Variants in KRI1 observed in about 807,000 individuals in gnomAD.
KRI1 encodes the protein KRI1 homolog.
A neutral mutation model predicts 97.0 loss-of-function variants in KRI1; 83 were observed. That is an observed-to-expected ratio of 0.86 (90% CI 0.72 to 1.03). The LOEUF is 1.03. Ranked by LOEUF, KRI1 falls within the 50% of genes least tolerant of loss-of-function variation. The pLI is 0.00. For synonymous variants in KRI1, 371 were observed against 363.5 expected (o/e 1.02, Z -0.23); for missense variants, 916 against 928.4 (o/e 0.99, Z 0.17).
Position 10,555,149 on chromosome 19 carries a change from G to A in KRI1, c.1719C>T (p.Tyr573=). Residue 573 remains tyrosine (Y), a synonymous_variant, in exon 18 of 19, where the codon TAC becomes TAT. Transcript: ENST00000312962. ...EQEELRDKRA[Y]SQKAQNSWKK... The stretch of plus-strand genomic sequence containing the variant: ...TCCATGAGTTCTGGGCCTTCTGGCT[G>A]TACGCCCGCTTGTCCCGCAGCTCCT... The A allele has an allele frequency of 6.2e-7, 1 of 1,612,718 alleles. No individual in the cohort carries two copies. Among genetic ancestry groups the A allele is most frequent in the East Asian group, 2.2e-5 (1 of 44,772 alleles).
Position 10,561,203 on chromosome 19 carries a change from A to C in KRI1, c.551T>G (p.Leu184Trp). ...EDGAGEGGSS[L>W]LQKRAKTRQE... ...CCTGGTTTTGGCACGTTTCTGCAGC[A>C]AACTGGAGCCGCCCTCCCCAGCGCC... Residue 184 changes from leucine (L) to tryptophan (W), a missense_variant, in exon 7 of 19, where the codon TTG (leucine) becomes TGG (tryptophan). Leu to Trp is a moderately conservative substitution (Grantham distance 61, BLOSUM62 -2). Transcript: ENST00000312962. The C allele has an allele frequency of 6.2e-7, 1 of 1,614,062 alleles. No individual in the cohort carries two copies. The highest frequency in any genetic ancestry group is 8.5e-7 in the Non-Finnish European group (1 of 1,180,014).
rs1186204969 is a variant in KRI1 at position 10,565,889 on chromosome 19, A to T, written c.94+17T>A. On this transcript the variant is annotated intron_variant, in intron 1 of 18. Transcript: ENST00000312962. ...CCGGCGCGCGCAGGCTCCCGCGCGCATGCGCCCCGCACTCACGCCGCTGCA... is the reference window on the plus strand; with the variant it reads ...CCGGCGCGCGCAGGCTCCCGCGCGCTTGCGCCCCGCACTCACGCCGCTGCA... 6.5e-7 allele frequency: 1 copy of T among 1,532,324 alleles called. No homozygotes were observed. Among genetic ancestry groups the T allele is most frequent in the South Asian group, 1.2e-5 (1 of 82,636 alleles). 94.9% of individuals were successfully genotyped at this position (1,532,324 alleles called of 1,614,324 possible).
In KRI1 at chr19:10,561,890, C is replaced by T. The variant is rs550835406; in HGVS notation, c.384-45G>A. On this transcript the variant is annotated intron_variant, in intron 4 of 18. Coordinates refer to ENST00000312962, the MANE Select transcript of KRI1 (RefSeq NM_023008.5). ...TCTTCAGAATATATCTTCCAGGGCC[C>T]GCCTGTCCCCATGCCCATGCGGAGC... 1.5e-5 allele frequency: 24 copies of T among 1,578,530 alleles called. No individual in the cohort carries two copies. The Admixed American group carries it at 3.2e-4, about 21-fold the overall frequency.
chr19:10,565,133 G>T, intron 2 of KRI1, 99 bp from the exon 3 acceptor site: 2 of 800,478 alleles, frequency 2.5e-6, no homozygotes, highest in Non-Finnish European at 4.3e-6. Context: ...GATGGAGGGG[G>T]GTGGATCTGG....
At chr19:10,557,926 G>GCC in intron 14 of KRI1, 31 bp from the exon 15 acceptor site, 1 of 1,613,674 alleles carries the variant, frequency 6.2e-7, no homozygotes, top group Non-Finnish European at 8.5e-7. Flanking sequence ...GATCCCACCA[G>GCC]CCCCCCGTCA....
intron 9 of KRI1, 152 bp from the exon 10 acceptor site, chr19:10,560,088 G>A: frequency 1.6e-6 from 2 of 1,233,192 alleles, no homozygotes; most frequent in Non-Finnish European, 2.2e-6. Flanking sequence ...TTTACAGATG[G>A]GGAAACTGAG....
In KRI1 at chr19:10,557,882, T is replaced by C; in HGVS notation, c.1373A>G (p.Tyr458Cys). 3 of 1,613,532 alleles carry C rather than the reference T, an allele frequency of 1.9e-6. No individual in the cohort carries two copies. Among genetic ancestry groups the C allele is most frequent in the Non-Finnish European group, 2.5e-6 (3 of 1,179,868 alleles). Residue 458 changes from tyrosine to cysteine, a missense_variant, in exon 15 of 19, where the codon TAC (tyrosine) becomes TGC (cysteine). Physicochemically the swap from Tyr to Cys is radical, Grantham distance 194 (BLOSUM62 -2). Around this residue, in one of 3 missense-constraint regions of KRI1, gnomAD observed 672 missense variants for 667.2 expected, o/e 1.01. Coordinates refer to ENST00000312962, the MANE Select transcript of KRI1 (RefSeq NM_023008.5). ...EDPNFNMDADYDPSQPRKKKR... is the reference protein window; with the variant it reads ...EDPNFNMDADCDPSQPRKKKR... ...TTTCTTCCTCGGCTGGCTGGGGTCG[T>C]AGTCGGCGTCCATCTGCCAGGACGC...
chr19:10,564,420 A>G (rs1255256684), intron 3 of KRI1, among the ~76,000 whole-genome samples: 1 of 151,942 alleles, frequency 6.6e-6, no homozygotes, highest in African/African-American at 2.4e-5. Flanking sequence ...AGATCGTCCC[A>G]TTGCAACCCA....
Position 10,559,715 on chromosome 19 carries a change from G to A in KRI1, c.928-7C>T, listed in dbSNP as rs779734416. ...TGCGTGGGTAGGTCTTGACCTAGGC[G>A]CAATCAGAAAAGCCCACAAGGGCCG... On this transcript the variant is annotated splice_region_variant and splice_polypyrimidine_tract_variant and intron_variant, in intron 10 of 18. Transcript: ENST00000312962. 13 of 1,613,896 alleles carry A rather than the reference G, an allele frequency of 8.1e-6. No individual in the cohort carries two copies. Among genetic ancestry groups the A allele is most frequent in the Middle Eastern group, 1.6e-4 (1 of 6,084 alleles).
At chr19:10,560,880 G>A (rs1432460718) in intron 8 of KRI1, 123 bp downstream of exon 8, 1 of 738,076 alleles carries the variant, frequency 1.4e-6, no homozygotes, top group Non-Finnish European at 2.3e-6. Context: ...CATTTAAAGA[G>A]ATGTAGGAGC....
chr19:10,565,122 G>C (rs1403205340), intron 2 of KRI1, 88 bp from the exon 3 acceptor site: 2 of 848,104 alleles, frequency 2.4e-6, no homozygotes, highest in Non-Finnish European at 4.0e-6. Flanking sequence ...GTAGGGATTA[G>C]GATGGAGGGG....
chr19:10,560,181 G>A (rs1010483174), intron 9 of KRI1, 131 bp downstream of exon 9: 5 of 1,413,726 alleles, frequency 3.5e-6, no homozygotes, highest in Non-Finnish European at 3.7e-6. Flanking sequence ...CTGCCTTACA[G>A]AAGACTAACT....
chr19:10,559,306 G>C, intron 12 of KRI1, 53 bp downstream of exon 12: 1 of 1,582,698 alleles, frequency 6.3e-7, no homozygotes, highest in Admixed American at 1.7e-5. Context: ...TGGCCAGTGA[G>C]AGCCATGTTT....
rs754114213 is a variant in KRI1, at chr19:10,560,416, C to T, written c.696G>A (p.Glu232=). 6.2e-7 allele frequency: 1 copy of T among 1,613,850 alleles called. No individual in the cohort carries two copies. Among genetic ancestry groups the T allele is most frequent in the Non-Finnish European group, 8.5e-7 (1 of 1,179,842 alleles). ...THLKEYWNDP[E]LDEGERFLRD... ...GCAGGAACCGCTCCCCTTCATCCAA[C>T]TCAGGGTCGTTCCAGTATTCCTTGA... Residue 232 remains glutamate, a synonymous_variant, in exon 9 of 19, where the codon GAG becomes GAA. Coordinates refer to ENST00000312962, the MANE Select transcript of KRI1 (RefSeq NM_023008.5).
At chr19:10,554,666 C>T (rs1413354093) in intron 18 of KRI1, among the ~76,000 whole-genome samples, 1 of 152,160 alleles carries the variant, frequency 6.6e-6, no homozygotes, top group Non-Finnish European at 1.5e-5. Flanking sequence ...TCGCTTGAGT[C>T]TCCCAAAGTG....
At chr19:10,558,923 T>C (rs371353356) in intron 12 of KRI1, among the ~76,000 whole-genome samples, 2 of 151,928 alleles carry the variant, frequency 1.3e-5, no homozygotes, top group South Asian at 4.1e-4. Flanking sequence ...GCCAGGATGG[T>C]CTCAATCTCC....
At position 10,554,056 on chromosome 19, in the gene KRI1, G is replaced by T. The variant is rs1916409569; in HGVS notation, c.2007C>A (p.Phe669Leu). 6.2e-7 allele frequency: 1 copy of T among 1,614,094 alleles called. No homozygotes were observed. Among genetic ancestry groups the T allele is most frequent in the Admixed American group, 1.7e-5 (1 of 60,004 alleles). ...CAAAGGCCTGCAGTCTCTGGCGGCT[G>T]AACTCGCATCCACCAAGCATCACAG... is the stretch of plus-strand genomic sequence containing the variant. ...GPTVMLGGCEFSRQRLQAFGL... is the reference protein window; with the variant it reads ...GPTVMLGGCELSRQRLQAFGL... The change falls in exon 19 of 19, where the codon TTC becomes TTA. Residue 669 changes from phenylalanine (F) to leucine (L), a missense_variant. Physicochemically the swap from Phe to Leu is conservative, Grantham distance 22. Coordinates refer to ENST00000312962, the MANE Select transcript of KRI1 (RefSeq NM_023008.5).
intron 6 of KRI1, 59 bp downstream of exon 6, chr19:10,561,608 A>G (rs1916700338): frequency 1.9e-6 from 3 of 1,543,414 alleles, no homozygotes; most frequent in Non-Finnish European, 9.0e-7. Context: ...ACCCGTGCCT[A>G]TCCAACCCCC....
intron 16 of KRI1, 24 bp downstream of exon 16, chr19:10,557,528 T>A (rs934484845): frequency 6.2e-7 from 1 of 1,609,354 alleles, no homozygotes; most frequent in African/African-American, 1.3e-5. Flanking sequence ...CCCTGCAGTG[T>A]CCCTGCCTGC....
Sources: gnomAD v4.1 joint callset for allele counts (sites outside exome capture counted in the v4.1 genomes callset) on GRCh38, gnomAD v4.1.1 for gene constraint, gnomAD v4.1.1 regional missense constraint, MANE v1.5 for transcripts, NCBI Gene and HGNC (gene_info 2026-07-23, HGNC 2026-07-21) for gene names.